P4HA2: variants seen among roughly 807,000 people sequenced by gnomAD.
The protein encoded by P4HA2 is prolyl 4-hydroxylase subunit alpha 2, also known as prolyl 4-hydroxylase subunit alpha-2.
A neutral mutation model predicts 76.9 loss-of-function variants in P4HA2; 46 were observed. The ratio of observed to expected loss-of-function variants is 0.60; its 90% CI spans 0.47 to 0.76. The LOEUF (loss-of-function observed/expected upper bound fraction) is 0.76. Ranked by LOEUF, P4HA2 falls within the 30% of genes least tolerant of loss-of-function variation. The pLI is 0.00. For missense variants in P4HA2, 583 were observed against 669.4 expected, an observed-to-expected ratio of 0.87 and a Z score of 1.42; for synonymous variants, 243 against 254.0, an observed-to-expected ratio of 0.96 and a Z score of 0.41.
intron 12 of P4HA2, chr5:132,197,840 G>T (rs936678175): frequency 1.8e-5 from 4 of 223,188 alleles, no homozygotes; most frequent in Non-Finnish European, 3.0e-5. Flanking sequence ...AGTTTTAGAT[G>T]ATGAAAATAG....
chr5:132,215,693 G>A (rs1161983861), intron 4 of P4HA2, among the ~76,000 whole-genome samples: 1 of 152,118 alleles, frequency 6.6e-6, no homozygotes, highest in Non-Finnish European at 1.5e-5. Context: ...TGAAGAGCTG[G>A]GTACAATGGC....
chr5:132,218,974 G>C (rs570672348), intron 1 of P4HA2, among the ~76,000 whole-genome samples: 42 of 152,304 alleles, frequency 2.8e-4, no homozygotes, highest in African/African-American at 9.6e-4. Context: ...GTCAGTCCAA[G>C]ATTCTGGCCC....
intron 6 of P4HA2, 105 bp from the exon 7 acceptor site, chr5:132,209,436 T>TG (rs1181547170): frequency 1.1e-4 from 98 of 907,224 alleles, no homozygotes; most frequent in Non-Finnish European, 4.2e-5. Flanking sequence ...CTCACCTGCA[T>TG]GCTGCATTCT....
chr5:132,196,954 G>A lies in P4HA2; in HGVS notation c.1365+1367C>T, dbSNP rs867118198. On this transcript the variant is annotated intron_variant, in intron 12 of 14. Coordinates refer to ENST00000360568, the MANE Select transcript of P4HA2 (RefSeq NM_001017974.2). ...CTCAAGCACAAGAGAGACCACATAT[G>A]TTCTGCTCACCAGCATGTACACAGC... 4.1e-4 allele frequency among the ~76,000 whole-genome samples: 62 copies of A among 151,202 alleles called. 1 individual carries two copies. In the Middle Eastern group the frequency reaches 0.011, roughly 26 times the overall value.
At position 132,209,140 on chromosome 5, in the gene P4HA2, G is replaced by A. The variant is rs1467510718; in HGVS notation, c.901C>T (p.Leu301=). 6.2e-7 allele frequency: 1 copy of A among 1,611,652 alleles called. No individual in the cohort carries two copies. The highest frequency in any genetic ancestry group is 8.5e-7 in the Non-Finnish European group (1 of 1,178,746). Residue 301 remains leucine, a splice_region_variant and synonymous_variant, in exon 7 of 15, where the codon CTG becomes TTG. Coordinates refer to ENST00000360568, the MANE Select transcript of P4HA2 (RefSeq NM_001017974.2). ...CCTAGCCCCCTCACACATCTCACCA[G>A]TTTGACACCCTCCCCACGACAGAGG... ...ESLCRGEGVK[L]TPRRQKRLFC...
intron 12 of P4HA2, among the ~76,000 whole-genome samples, chr5:132,196,808 C>G (rs191636129): frequency 6.9e-6 from 1 of 144,042 alleles, no homozygotes; most frequent in Non-Finnish European, 1.5e-5. Flanking sequence ...TTGCAGTAAG[C>G]TGAGATAGCG....
At chr5:132,193,188 A>G in intron 14 of P4HA2, 108 bp from the exon 15 acceptor site, 2 of 749,030 alleles carry the variant, frequency 2.7e-6, no homozygotes, top group Non-Finnish European at 4.8e-6. Flanking sequence ...ATCAGACACA[A>G]ATAAGACAAG....
chr5:132,218,122 C>T (rs563237731), intron 2 of P4HA2, among the ~76,000 whole-genome samples: 3 of 152,250 alleles, frequency 2.0e-5, no homozygotes, highest in East Asian at 3.9e-4. Context: ...TCTCATTCTC[C>T]GACTGTTACA....
At chr5:132,196,509 C>A (rs533690230) in intron 12 of P4HA2, among the ~76,000 whole-genome samples, 53 of 152,324 alleles carry the variant, frequency 3.5e-4, no homozygotes, top group Non-Finnish European at 5.1e-4. Context: ...AGAGAGGCCT[C>A]CACTGAACCC....
chr5:132,202,394 A>T (rs1561470983), intron 10 of P4HA2: 1 of 152,224 alleles, frequency 6.6e-6, no homozygotes, highest in South Asian at 2.1e-4. Context: ...GTCCAAGCAA[A>T]AGTTCAAAAA....
At chr5:132,211,356 G>T (rs758443069) in intron 5 of P4HA2, among the ~76,000 whole-genome samples, 1 of 152,210 alleles carries the variant, frequency 6.6e-6, no homozygotes, top group Non-Finnish European at 1.5e-5. Context: ...TGAGAAAGCA[G>T]ATACCATGGA....
chr5:132,205,732 C>G (rs1026515152), intron 8 of P4HA2, among the ~76,000 whole-genome samples: 2 of 152,130 alleles, frequency 1.3e-5, no homozygotes, highest in Non-Finnish European at 2.9e-5. Context: ...GCAGGACAGA[C>G]GGCTCCCAAG....
Position 132,207,765 on chromosome 5 carries a change from G to A in P4HA2, c.1023C>T (p.Tyr341=), listed in dbSNP as rs1414122699. The A allele has an allele frequency of 3.1e-6, 5 of 1,613,786 alleles. No homozygotes were observed. Among genetic ancestry groups the A allele is most frequent in the African/African-American group, 2.7e-5 (2 of 74,916 alleles). Residue 341 remains tyrosine (Y), a synonymous_variant, in exon 8 of 15, where the codon TAC becomes TAT. Transcript: ENST00000360568. The stretch of plus-strand genomic sequence containing the variant: ...TTTCCTCATCAGACATGACATCGTA[G>A]TACCTGACGATGTGCGGGCTGTCCC... ...DEWDSPHIVR[Y]YDVMSDEEIE... is the part of the protein sequence containing the mutation.
At chr5:132,216,112 C>A (rs141899494) in intron 4 of P4HA2, among the ~76,000 whole-genome samples, 2,861 of 141,468 alleles carry the variant, frequency 0.02, 102 homozygotes, top group African/African-American at 0.07. Flanking sequence ...TGCAGTGAGC[C>A]GAGATCCCGC....
intron 12 of P4HA2, chr5:132,198,078 T>C: frequency 6.8e-7 from 1 of 1,471,182 alleles, no homozygotes; most frequent in South Asian, 1.4e-5. Context: ...CCAAGAAGGG[T>C]GCTGAGAGCC....
At chr5:132,214,074 C>G (rs1281565044) in intron 4 of P4HA2, 21 bp from the exon 5 acceptor site, 3 of 1,612,674 alleles carry the variant, frequency 1.9e-6, no homozygotes, top group Non-Finnish European at 2.5e-6. Context: ...AGAGTCAGAA[C>G]AAGAGATTAC....
chr5:132,221,165 TA>T (rs1420246057), intron 1 of P4HA2, among the ~76,000 whole-genome samples: 4 of 152,048 alleles, frequency 2.6e-5, no homozygotes, highest in African/African-American at 9.7e-5. Flanking sequence ...TAAGACAGAG[TA>T]GGTGAAAGTA....
At chr5:132,197,929 A>G (rs1422767280) in intron 12 of P4HA2, 2 of 854,472 alleles carry the variant, frequency 2.3e-6, no homozygotes, top group Non-Finnish European at 2.8e-6. Flanking sequence ...AAAATGGTTA[A>G]GATGGTAAGT....
intron 1 of P4HA2, among the ~76,000 whole-genome samples, chr5:132,222,368 C>G (rs1455369359): frequency 6.6e-6 from 1 of 152,128 alleles, no homozygotes; most frequent in African/African-American, 2.4e-5. Context: ...GCCACGGCAC[C>G]CTAGGCAAGT....
Sources: allele counts gnomAD v4.1 joint callset (sites outside exome capture counted in the v4.1 genomes callset), GRCh38; gene constraint gnomAD v4.1.1; transcripts MANE v1.5; gene names NCBI Gene and HGNC (gene_info 2026-07-23, HGNC 2026-07-21).